The following FYN variants were observed in gnomAD, a reference collection of about 807,000 sequenced individuals.
FYN encodes tyrosine-protein kinase Fyn.
In FYN, 10 loss-of-function variants were observed where a neutral mutation model predicts 70.2. That is an observed-to-expected ratio of 0.14 (90% confidence interval 0.09 to 0.24). The LOEUF is 0.24. FYN is among the 10% of genes least tolerant of loss of function. The pLI is 1.00. For synonymous variants in FYN, 236 were observed against 248.6 expected, an observed-to-expected ratio of 0.95 and a Z score of 0.48; for missense variants, 319 against 673.1, an observed-to-expected ratio of 0.47 and a Z score of 5.82.
At chr6:111,825,373 G>C (rs1282086415) in intron 2 of FYN, among the ~76,000 whole-genome samples, 1 of 152,194 alleles carries the variant, frequency 6.6e-6, no homozygotes, top group Non-Finnish European at 1.5e-5. Context: ...CAACATAGGA[G>C]ACAGAGCACA....
intron 2 of FYN, among the ~76,000 whole-genome samples, chr6:111,839,464 T>G (rs1773288304): frequency 6.6e-6 from 1 of 152,042 alleles, no homozygotes; most frequent in South Asian, 2.1e-4. Context: ...ATAAAGTGAC[T>G]CGATGAGAGA....
intron 6 of FYN, among the ~76,000 whole-genome samples, chr6:111,707,282 G>A (rs539454176): frequency 6.6e-6 from 1 of 152,206 alleles, no homozygotes; most frequent in Non-Finnish European, 1.5e-5. Flanking sequence ...AGGGAGAAAG[G>A]TTATCCCTTT....
intron 2 of FYN, among the ~76,000 whole-genome samples, chr6:111,788,588 T>C (rs544317345): frequency 6.6e-6 from 1 of 152,292 alleles, no homozygotes; most frequent in African/African-American, 2.4e-5. Flanking sequence ...GGCTATCCTG[T>C]GCAACATGAG....
intron 12 of FYN, among the ~76,000 whole-genome samples, chr6:111,691,114 G>C (rs552806319): frequency 1.3e-5 from 2 of 152,324 alleles, no homozygotes; most frequent in East Asian, 3.9e-4. Flanking sequence ...CTTCTAGAGT[G>C]CTGTCAGTGG....
chr6:111,754,747 GCTTC>G (rs1198423654), intron 3 of FYN: 1 of 152,046 alleles, frequency 6.6e-6, no homozygotes, highest in Non-Finnish European at 1.5e-5. Flanking sequence ...TTCCTGAGAG[GCTTC>G]CTTAATAGGT....
chr6:111,714,393 C>A lies in FYN; in HGVS notation c.298G>T (p.Asp100Tyr). The A allele has an allele frequency of 6.2e-7, 1 of 1,614,110 alleles. No homozygotes were observed. Among genetic ancestry groups the A allele is most frequent in the South Asian group, 1.1e-5 (1 of 91,050 alleles). The stretch of plus-strand genomic sequence containing the variant: ...TTTTCTCCTTTGTGAAAACTCAGGT[C>A]ATCTTCTGTCCGTGCTTCATAGTCA... ...LYDYEARTED[D>Y]LSFHKGEKFQ... Residue 100 changes from aspartate (D) to tyrosine (Y), a missense_variant, in exon 5 of 14, where the codon GAC becomes TAC. This residue lies in a region of FYN where 128 missense variants were observed against 183.9 expected (regional missense o/e 0.70). Coordinates refer to ENST00000354650, the MANE Select transcript of FYN (RefSeq NM_002037.5).
At chr6:111,829,556 A>G (rs933990999) in intron 2 of FYN, among the ~76,000 whole-genome samples, 5 of 152,200 alleles carry the variant, frequency 3.3e-5, no homozygotes, top group Non-Finnish European at 5.9e-5. Context: ...CAGAAATGAA[A>G]GAAAGGAAAA....
At chr6:111,744,028 A>C (rs1802098693) in intron 3 of FYN, among the ~76,000 whole-genome samples, 1 of 152,208 alleles carries the variant, frequency 6.6e-6, no homozygotes, top group Non-Finnish European at 1.5e-5. Context: ...ATTGGACCGC[A>C]CAGTATTACG....
intron 3 of FYN, among the ~76,000 whole-genome samples, chr6:111,725,869 C>T (rs1016157149): frequency 6.6e-6 from 1 of 152,174 alleles, no homozygotes; most frequent in South Asian, 2.1e-4. Flanking sequence ...ACTCCATCAT[C>T]GGGTTGTTAT....
intron 3 of FYN, among the ~76,000 whole-genome samples, chr6:111,778,651 C>T: frequency 6.6e-6 from 1 of 151,790 alleles, no homozygotes; most frequent in African/African-American, 2.4e-5. Context: ...TTACTGCAAC[C>T]TCTGCCTCCT....
At chr6:111,699,232 G>A (rs1440092286) in intron 9 of FYN, among the ~76,000 whole-genome samples, 7 of 152,166 alleles carry the variant, frequency 4.6e-5, no homozygotes, top group African/African-American at 1.7e-4. Flanking sequence ...TCTTATGGCT[G>A]CCCATATACA....
In FYN at chr6:111,818,000, C is replaced by T. The variant is rs528861577; in HGVS notation, c.-82+28589G>A. Among the ~76,000 whole-genome samples, 65 of 152,322 alleles carry T rather than the reference C, an allele frequency of 4.3e-4. 1 individual carries two copies. Among genetic ancestry groups the T allele is most frequent in the African/African-American group, 1.5e-3 (61 of 41,570 alleles). On this transcript the variant is annotated intron_variant, in intron 2 of 13. Coordinates refer to ENST00000354650, the MANE Select transcript of FYN (RefSeq NM_002037.5). ...TCTATGCACATGTGCCCTGAAGAAT[C>T]AGCCAACTGTGAGAATGGCAAAGAG...
chr6:111,778,800 C>T lies in FYN; in HGVS notation c.-12+1766G>A, dbSNP rs57462961. Among the ~76,000 whole-genome samples, 544 of 152,158 alleles carry T rather than the reference C, an allele frequency of 3.6e-3. 4 individuals are homozygous for T. Among genetic ancestry groups the T allele is most frequent in the African/African-American group, 0.013 (532 of 41,526 alleles). ...TGAGTCACCGCACCCAGCCTCCTTACTTTCTTTTTAACAAGTTGGGCTAAT... is the reference window on the plus strand; with the variant it reads ...TGAGTCACCGCACCCAGCCTCCTTATTTTCTTTTTAACAAGTTGGGCTAAT... On this transcript the variant is annotated intron_variant, in intron 3 of 13. Coordinates refer to ENST00000354650, the MANE Select transcript of FYN (RefSeq NM_002037.5).
intron 2 of FYN, among the ~76,000 whole-genome samples, chr6:111,843,104 G>T (rs1773414062): frequency 6.6e-6 from 1 of 152,234 alleles, no homozygotes; most frequent in African/African-American, 2.4e-5. Context: ...CAGTTGGAAT[G>T]ACACTGCAGG....
intron 2 of FYN, among the ~76,000 whole-genome samples, chr6:111,804,600 C>A (rs572734720): frequency 6.6e-6 from 1 of 152,164 alleles, no homozygotes; most frequent in South Asian, 2.1e-4. Flanking sequence ...ATGGCACAAC[C>A]TGAATTTTTG....
chr6:111,813,854 T>A (rs144069776), intron 2 of FYN: 2 of 152,284 alleles, frequency 1.3e-5, no homozygotes, highest in East Asian at 3.9e-4. Context: ...AGTTGAAACT[T>A]GCAAGTGGGT....
chr6:111,764,244 AAAAG>A (rs1393529393), intron 3 of FYN, among the ~76,000 whole-genome samples: 55 of 149,480 alleles, frequency 3.7e-4, no homozygotes, highest in African/African-American at 1.1e-3. Flanking sequence ...AAAAGAAAAA[AAAAG>A]AAAGAAAGAA....
chr6:111,849,832 CTT>C (rs1773635575), intron 1 of FYN, among the ~76,000 whole-genome samples: 2 of 152,184 alleles, frequency 1.3e-5, no homozygotes, highest in Non-Finnish European at 2.9e-5. Context: ...CTTTTTCACT[CTT>C]GTTTTCCTTT....
chr6:111,757,152 G>A (rs1179889854), intron 3 of FYN, among the ~76,000 whole-genome samples: 3 of 152,080 alleles, frequency 2.0e-5, no homozygotes, highest in East Asian at 1.9e-4. Context: ...TTCAGCAAAC[G>A]GCTAAGTATT....
Sources: allele counts gnomAD v4.1 joint callset (sites outside exome capture counted in the v4.1 genomes callset), GRCh38; gene constraint gnomAD v4.1.1; regional missense constraint gnomAD v4.1.1; transcripts MANE v1.5; gene names NCBI Gene and HGNC (gene_info 2026-07-23, HGNC 2026-07-21).